Variants in YJU2 observed in about 807,000 individuals in gnomAD.
YJU2 encodes the protein splicing factor YJU2.
A neutral mutation model predicts 39.6 loss-of-function variants in YJU2; 28 were observed. That is an observed-to-expected ratio of 0.71 (90% CI 0.52 to 0.97). The LOEUF (loss-of-function observed/expected upper bound fraction) is 0.97, where lower values mean the gene tolerates loss of function less well. Among genes scored for constraint, YJU2 ranks in the 50% least tolerant of loss-of-function variants. The pLI, the probability that YJU2 is intolerant of heterozygous loss-of-function variation, is 0.00. For synonymous variants in YJU2, 184 were observed against 182.4 expected, an observed-to-expected ratio of 1.01 and a Z score of -0.07; for missense variants, 328 against 430.4, an observed-to-expected ratio of 0.76 and a Z score of 2.11.
chr19:4,264,010 C>T (rs974358814), intron 6 of YJU2, among the ~76,000 whole-genome samples: 1 of 151,690 alleles, frequency 6.6e-6, no homozygotes, highest in Admixed American at 6.6e-5. Context: ...CACCTGTAAT[C>T]CCAGCACTTT....
In YJU2 at chr19:4,249,272, C is replaced by T. The variant is rs1022071086; in HGVS notation, c.69C>T (p.Leu23=). ...PDFDPSKIPK[L]KLPKDRQYVV... is the part of the protein sequence containing the mutation. ...TTGACCCATCAAAGATCCCCAAACT[C>T]AAGCTCCCCAAAGACCGGCAGTACG... is the stretch of plus-strand genomic sequence containing the variant. The change falls in exon 2 of 8, where the codon CTC becomes CTT. Residue 23 remains leucine (L), a synonymous_variant. Coordinates refer to ENST00000262962, the MANE Select transcript of YJU2 (RefSeq NM_018074.6). The T allele has an allele frequency of 6.2e-7, 1 of 1,613,860 alleles. No homozygotes were observed. The highest frequency in any genetic ancestry group is 8.5e-7 in the Non-Finnish European group (1 of 1,179,950).
At chr19:4,259,003 C>T (rs886127884) in intron 5 of YJU2, among the ~76,000 whole-genome samples, 4 of 151,982 alleles carry the variant, frequency 2.6e-5, no homozygotes, top group African/African-American at 9.7e-5. Flanking sequence ...CCCGGACACC[C>T]ACCAAGGGAC....
chr19:4,256,179 AAAATATATAT>A (rs1259072010), intron 4 of YJU2, among the ~76,000 whole-genome samples: 50 of 97,236 alleles, frequency 5.1e-4, no homozygotes, highest in African/African-American at 2.3e-3. Context: ...CAAAAAAAAA[AAAATATATAT>A]ATATATATAT....
At chr19:4,253,440 G>A (rs1324848319) in intron 3 of YJU2, among the ~76,000 whole-genome samples, 1 of 151,934 alleles carries the variant, frequency 6.6e-6, no homozygotes, top group Non-Finnish European at 1.5e-5. Flanking sequence ...AATTAGCCAG[G>A]TGTGATGGTG....
chr19:4,250,221 C>T (rs1357797512), intron 2 of YJU2, among the ~76,000 whole-genome samples: 1 of 152,192 alleles, frequency 6.6e-6, no homozygotes, highest in Non-Finnish European at 1.5e-5. Context: ...AAAGAGACAT[C>T]TGGGTCAGTG....
chr19:4,256,955 C>G (rs186962965), intron 4 of YJU2, among the ~76,000 whole-genome samples: 1 of 152,298 alleles, frequency 6.6e-6, no homozygotes, highest in East Asian at 1.9e-4. Flanking sequence ...GCTTGTCCAG[C>G]CCCTGCTCAA....
At chr19:4,266,020 C>G (rs1176589821) in intron 6 of YJU2, among the ~76,000 whole-genome samples, 1 of 149,492 alleles carries the variant, frequency 6.7e-6, no homozygotes, top group African/African-American at 2.5e-5. Flanking sequence ...GTGGCACGAT[C>G]TCGGCTCACT....
chr19:4,247,651 GT>G (rs1568359676), intron 1 of YJU2, among the ~76,000 whole-genome samples: 975 of 70,086 alleles, frequency 0.014, 142 homozygotes, highest in Middle Eastern at 0.031. Flanking sequence ...GTGTGTGTGT[GT>G]GTGTGTGTGT....
intron 2 of YJU2, 40 bp from the exon 3 acceptor site, chr19:4,250,987 C>G: frequency 6.3e-7 from 1 of 1,585,948 alleles, no homozygotes; most frequent in Non-Finnish European, 8.6e-7. Context: ...TGGGAGCCAG[C>G]GTCCCAAGAC....
chr19:4,267,480 T>C (rs1971124267), intron 6 of YJU2, 144 bp from the exon 7 acceptor site: 2 of 812,584 alleles, frequency 2.5e-6, no homozygotes, highest in Admixed American at 2.8e-5. Flanking sequence ...TGGGGAGCCA[T>C]AGAGGAGTTT....
chr19:4,259,071 CTTT>C (rs34728075), intron 5 of YJU2, among the ~76,000 whole-genome samples: 5 of 90,296 alleles, frequency 5.5e-5, no homozygotes, highest in African/African-American at 2.6e-4. Context: ...GAACACTTTT[CTTT>C]TTTTTTTTTT....
At chr19:4,266,036 CT>C (rs142514188) in intron 6 of YJU2, among the ~76,000 whole-genome samples, 4,151 of 151,456 alleles carry the variant, frequency 0.027, 197 homozygotes, top group African/African-American at 0.095. Context: ...TCACTGCAAC[CT>C]CTGCCTCCCA....
chr19:4,261,362 G>GT, intron 5 of YJU2, among the ~76,000 whole-genome samples: 1 of 152,222 alleles, frequency 6.6e-6, no homozygotes, highest in East Asian at 1.9e-4. Context: ...ACGGTGGTGC[G>GT]TGCCTGTAGT....
At chr19:4,260,222 G>A (rs878870694) in intron 5 of YJU2, among the ~76,000 whole-genome samples, 2 of 152,116 alleles carry the variant, frequency 1.3e-5, no homozygotes, top group African/African-American at 2.4e-5. Context: ...TCAGCAGTTC[G>A]AGACCAGCCT....
intron 4 of YJU2, among the ~76,000 whole-genome samples, chr19:4,257,615 AG>A (rs1251270238): frequency 6.6e-6 from 1 of 152,190 alleles, no homozygotes; most frequent in Non-Finnish European, 1.5e-5. Flanking sequence ...CTGGGATTAC[AG>A]GCACATGCCA....
At chr19:4,258,508 T>C in intron 5 of YJU2, 85 bp downstream of exon 5, 7 of 1,483,418 alleles carry the variant, frequency 4.7e-6, no homozygotes, top group Non-Finnish European at 6.3e-6. Flanking sequence ...CTTTCCCCGC[T>C]CTCTGGAGTG....
rs45584831 is a variant in YJU2 at position 4,268,909 on chromosome 19, A to C, written c.*213A>C. On this transcript the variant is annotated 3_prime_UTR_variant, in exon 8 of 8. Transcript: ENST00000262962. Reference sequence around the variant, plus strand: ...TCACCAGCCTCTCAACACCTCGGGGACCCCTGCTGCTCCTGCCCCCACCTG... The same window carrying C: ...TCACCAGCCTCTCAACACCTCGGGGCCCCCTGCTGCTCCTGCCCCCACCTG... 0.021 allele frequency: 11,766 copies of C among 566,316 alleles called. 179 individuals are homozygous for C. Among genetic ancestry groups the C allele is most frequent in the Non-Finnish European group, 0.026 (8,328 of 315,032 alleles). 35.1% of individuals were successfully genotyped at this position (566,316 alleles called of 1,614,324 possible).
intron 6 of YJU2, among the ~76,000 whole-genome samples, chr19:4,267,347 G>T (rs1971123716): frequency 6.6e-6 from 1 of 152,216 alleles, no homozygotes; most frequent in African/African-American, 2.4e-5. Context: ...GGCATCCCTG[G>T]TGAAGGGAAT....
At chr19:4,254,832 TG>T (rs1387954755) in intron 4 of YJU2, among the ~76,000 whole-genome samples, 1 of 151,774 alleles carries the variant, frequency 6.6e-6, no homozygotes, top group Non-Finnish European at 1.5e-5. Context: ...CCGAAGTGGG[TG>T]GGTCACGAGG....
Sources: allele counts gnomAD v4.1 joint callset (sites outside exome capture counted in the v4.1 genomes callset), GRCh38; gene constraint gnomAD v4.1.1; transcripts MANE v1.5; gene names NCBI Gene and HGNC (gene_info 2026-07-23, HGNC 2026-07-21).